The following SORCS3 variants were observed in gnomAD, a reference collection of about 807,000 sequenced individuals.
SORCS3 encodes the protein sortilin related VPS10 domain containing receptor 3.
SORCS3 carries 57 observed loss-of-function variants against 146.3 expected under a neutral mutation model. The ratio of observed to expected loss-of-function variants is 0.39; its 90% CI spans 0.31 to 0.49. SORCS3 has a LOEUF of 0.49. Ranked by LOEUF, SORCS3 falls within the 20% of genes least tolerant of loss-of-function variation. The pLI is 0.92. For missense variants in SORCS3, 1,341 were observed against 1,575.5 expected, an observed-to-expected ratio of 0.85 and a Z score of 2.52; for synonymous variants, 653 against 618.5, an observed-to-expected ratio of 1.06 and a Z score of -0.83.
chr10:104,770,722 A>G (rs1436759764), intron 1 of SORCS3, among the ~76,000 whole-genome samples: 4 of 151,844 alleles, frequency 2.6e-5, no homozygotes, highest in African/African-American at 9.7e-5. Flanking sequence ...GGTCCCAGCT[A>G]CTCATGAAGC....
At chr10:104,872,651 A>G (rs1338175908) in intron 2 of SORCS3, among the ~76,000 whole-genome samples, 13 of 150,026 alleles carry the variant, frequency 8.7e-5, no homozygotes, top group Non-Finnish European at 1.6e-4. Context: ...ATAGAGGGTG[A>G]ATAACAAAGG....
At chr10:104,936,350 A>C (rs997132787) in intron 3 of SORCS3, among the ~76,000 whole-genome samples, 1 of 152,156 alleles carries the variant, frequency 6.6e-6, no homozygotes, top group Non-Finnish European at 1.5e-5. Context: ...GAAGGTATGG[A>C]GGGGCCAGCT....
intron 1 of SORCS3, among the ~76,000 whole-genome samples, chr10:104,673,480 T>C (rs1265930543): frequency 6.6e-6 from 1 of 151,992 alleles, no homozygotes; most frequent in African/African-American, 2.4e-5. Flanking sequence ...TCATTTGTTT[T>C]TGAGGCAGAG....
At chr10:104,751,424 C>A (rs1222680261) in intron 1 of SORCS3, among the ~76,000 whole-genome samples, 1 of 152,130 alleles carries the variant, frequency 6.6e-6, no homozygotes, top group Non-Finnish European at 1.5e-5. Flanking sequence ...GACCATCCTG[C>A]AAGAGATGGG....
intron 11 of SORCS3, among the ~76,000 whole-genome samples, chr10:105,162,342 C>T (rs1216830128): frequency 6.6e-6 from 1 of 152,124 alleles, no homozygotes; most frequent in Non-Finnish European, 1.5e-5. Context: ...TCTCATCATA[C>T]CACTCAAGTG....
chr10:104,739,015 T>A (rs2016810750), intron 1 of SORCS3, among the ~76,000 whole-genome samples: 1 of 152,180 alleles, frequency 6.6e-6, no homozygotes, highest in Admixed American at 6.5e-5. Context: ...GAGGCATTTG[T>A]GCATCTGATG....
At chr10:104,722,569 G>A (rs2133446151) in intron 1 of SORCS3, among the ~76,000 whole-genome samples, 1 of 152,286 alleles carries the variant, frequency 6.6e-6, no homozygotes, top group Non-Finnish European at 1.5e-5. Context: ...GCCCCTCCTT[G>A]TACCTCTGGT....
chr10:105,175,998 GAAGT>G (rs985704095), intron 13 of SORCS3, among the ~76,000 whole-genome samples: 4 of 152,108 alleles, frequency 2.6e-5, no homozygotes, highest in South Asian at 4.2e-4. Flanking sequence ...GAAAGACAAA[GAAGT>G]AAGTGAGTAG....
intron 4 of SORCS3, among the ~76,000 whole-genome samples, chr10:105,024,814 G>A (rs939807903): frequency 2.6e-5 from 4 of 152,134 alleles, no homozygotes; most frequent in Non-Finnish European, 4.4e-5. Context: ...GTGTTTTCTG[G>A]GTTTGAAGCT....
intron 1 of SORCS3, among the ~76,000 whole-genome samples, chr10:104,680,570 C>T (rs1047464674): frequency 3.3e-5 from 5 of 152,188 alleles, no homozygotes; most frequent in Admixed American, 2.0e-4. Flanking sequence ...GTCATTTGAC[C>T]TCCCCATGCC....
chr10:104,734,505 G>A (rs1000237788), intron 1 of SORCS3, among the ~76,000 whole-genome samples: 1 of 152,194 alleles, frequency 6.6e-6, no homozygotes, highest in Non-Finnish European at 1.5e-5. Flanking sequence ...GTTTCTCCCT[G>A]AGAACTAATT....
chr10:104,979,111 G>T (rs761126319), intron 4 of SORCS3, among the ~76,000 whole-genome samples: 1 of 151,872 alleles, frequency 6.6e-6, no homozygotes, highest in South Asian at 2.1e-4. Flanking sequence ...GTTCTTTTTC[G>T]TAGCACTATG....
chr10:105,093,559 C>T (rs1379101946), intron 6 of SORCS3, among the ~76,000 whole-genome samples: 1 of 152,046 alleles, frequency 6.6e-6, no homozygotes, highest in Non-Finnish European at 1.5e-5. Flanking sequence ...CAATAAAAAA[C>T]AGCTCATTAA....
chr10:105,162,374 T>C (rs1045584328), intron 11 of SORCS3, among the ~76,000 whole-genome samples: 2 of 152,126 alleles, frequency 1.3e-5, no homozygotes, highest in Non-Finnish European at 2.9e-5. Context: ...CATCCCCTTC[T>C]TCCAACATGG....
Position 104,940,204 on chromosome 10 carries a change from TTA to T in SORCS3, c.795+24306_795+24307del, listed in dbSNP as rs71022748. ...ACCGAGAGTTCCTCTTCCTTTTCTT[TTA>T]TATATATATATATATATATATATAT... On this transcript the variant is annotated intron_variant, in intron 3 of 26. Coordinates refer to ENST00000369701, the MANE Select transcript of SORCS3 (RefSeq NM_014978.3). Among the ~76,000 whole-genome samples the T allele has an allele frequency of 1.1e-3, 56 of 52,990 alleles. 1 individual carries two copies. Among genetic ancestry groups the T allele is most frequent in the East Asian group, 9.7e-3 (10 of 1,034 alleles). 34.8% of individuals were successfully genotyped at this position (52,990 alleles called of 152,430 possible).
intron 2 of SORCS3, among the ~76,000 whole-genome samples, chr10:104,872,183 T>A (rs751658401): frequency 6.6e-6 from 1 of 152,320 alleles, no homozygotes; most frequent in Non-Finnish European, 1.5e-5. Flanking sequence ...CCATGAGGGA[T>A]GCATGTAATC....
chr10:104,856,771 A>T (rs1221616140), intron 2 of SORCS3, among the ~76,000 whole-genome samples: 1 of 145,096 alleles, frequency 6.9e-6, no homozygotes, highest in African/African-American at 2.5e-5. Flanking sequence ...TATACATATA[A>T]TATATAAAAA....
At chr10:104,930,881 T>A (rs2019199588) in intron 3 of SORCS3, among the ~76,000 whole-genome samples, 2 of 152,200 alleles carry the variant, frequency 1.3e-5, no homozygotes, top group African/African-American at 4.8e-5. Context: ...ATAGAAGGAT[T>A]AAATGAGAAA....
chr10:104,748,994 A>G (rs2016948110), intron 1 of SORCS3, among the ~76,000 whole-genome samples: 1 of 152,152 alleles, frequency 6.6e-6, no homozygotes, highest in South Asian at 2.1e-4. Flanking sequence ...ATCTGCTGAG[A>G]CCAATGGGCA....
Sources: allele counts gnomAD v4.1 joint callset (sites outside exome capture counted in the v4.1 genomes callset), GRCh38; gene constraint gnomAD v4.1.1; transcripts MANE v1.5; gene names NCBI Gene and HGNC (gene_info 2026-07-23, HGNC 2026-07-21).